Variants in PCDHA10 observed in about 807,000 individuals in gnomAD.
The protein encoded by PCDHA10 is protocadherin alpha-10.
A neutral mutation model predicts 61.2 loss-of-function variants in PCDHA10; 45 were observed. That is an observed-to-expected ratio of 0.74 (90% confidence interval 0.58 to 0.94). The LOEUF (loss-of-function observed/expected upper bound fraction) is 0.94. Among genes scored for constraint, PCDHA10 ranks in the 40% least tolerant of loss-of-function variants. The pLI is 0.00. For synonymous variants in PCDHA10, 602 were observed against 548.8 expected, an observed-to-expected ratio of 1.10 and a Z score of -1.35; for missense variants, 1,278 against 1,236.2, an observed-to-expected ratio of 1.03 and a Z score of -0.51.
intron 1 of PCDHA10, among the ~76,000 whole-genome samples, chr5:140,901,267 T>G (rs2153472974): frequency 6.6e-6 from 1 of 152,344 alleles, no homozygotes; most frequent in East Asian, 1.9e-4. Context: ...TTGTGGGGTA[T>G]TACTCAAGAA....
At chr5:140,975,307 A>G (rs1190412792) in intron 1 of PCDHA10, among the ~76,000 whole-genome samples, 1 of 152,162 alleles carries the variant, frequency 6.6e-6, no homozygotes, top group Non-Finnish European at 1.5e-5. Context: ...AGCTCATGTG[A>G]TTATGTCAGT....
chr5:140,883,230 A>T (rs1554177225), intron 1 of PCDHA10: 1 of 1,614,082 alleles, frequency 6.2e-7, no homozygotes, highest in African/African-American at 1.3e-5. Flanking sequence ...ATATCCGTGG[A>T]GGCAGTTGAC....
chr5:140,945,948 C>T (rs782232521), intron 1 of PCDHA10, among the ~76,000 whole-genome samples: 6 of 151,900 alleles, frequency 3.9e-5, no homozygotes, highest in Non-Finnish European at 5.9e-5. Context: ...TTTTATATGA[C>T]CCTGAAAGCA....
At chr5:140,927,558 T>C (rs1554204736) in intron 1 of PCDHA10, 1 of 1,614,144 alleles carries the variant, frequency 6.2e-7, no homozygotes, top group East Asian at 2.2e-5. Context: ...TCACCATCAT[T>C]GTGGTGGACA....
chr5:140,951,840 C>T (rs555935634), intron 1 of PCDHA10, among the ~76,000 whole-genome samples: 2 of 152,190 alleles, frequency 1.3e-5, no homozygotes, highest in African/African-American at 4.8e-5. Flanking sequence ...AGCATTAAGC[C>T]AAAAGTCCAA....
chr5:140,869,190 C>G (rs536787060), intron 1 of PCDHA10: 1 of 1,613,998 alleles, frequency 6.2e-7, no homozygotes, highest in African/African-American at 1.3e-5. Context: ...TGGGGAGCGG[C>G]CAGCTCCACT....
intron 1 of PCDHA10, chr5:140,869,566 G>A (rs782325882): frequency 1.9e-6 from 3 of 1,614,178 alleles, no homozygotes; most frequent in East Asian, 4.5e-5. Flanking sequence ...TTTTCCACTA[G>A]AGGGAGCTTC....
At chr5:140,937,878 C>G (rs2091818368) in intron 1 of PCDHA10, among the ~76,000 whole-genome samples, 1 of 150,504 alleles carries the variant, frequency 6.6e-6, no homozygotes, top group Admixed American at 6.6e-5. Context: ...CGCCACTGCA[C>G]TCCAGCCTGG....
chr5:140,966,502 GGCA>G (rs2096011406), intron 1 of PCDHA10: 14 of 433,816 alleles, frequency 3.2e-5, no homozygotes, highest in South Asian at 2.3e-4. Context: ...GAGCTGTAGC[GGCA>G]GCAGCAGCAG....
chr5:141,000,705 G>A (rs912231910), intron 3 of PCDHA10, among the ~76,000 whole-genome samples: 6 of 151,458 alleles, frequency 4.0e-5, no homozygotes, highest in African/African-American at 1.2e-4. Context: ...TGGGATTACA[G>A]GCATGAGCCA....
chr5:140,882,094 C>T, intron 1 of PCDHA10: 1 of 1,172,684 alleles, frequency 8.5e-7, no homozygotes, highest in Non-Finnish European at 1.2e-6. Context: ...TCACTGAGAA[C>T]GTTTCCGCGA....
chr5:140,877,719 T>G (rs782112072), intron 1 of PCDHA10: 2 of 1,614,102 alleles, frequency 1.2e-6, no homozygotes, highest in South Asian at 1.1e-5. Context: ...GGAGTTGGTC[T>G]TACTCGCAGC....
intron 1 of PCDHA10, chr5:140,875,768 G>A (rs997656321): frequency 6.2e-7 from 1 of 1,614,262 alleles, no homozygotes; most frequent in Non-Finnish European, 8.5e-7. Context: ...TGCGGGCGGA[G>A]CGCGGAGTGC....
rs201969686 is a variant in PCDHA10, at chr5:140,898,775, T to A, written c.2388+40339T>A. ...GATGGCATTGAATCTGTAAATTACC[T>A]TGGGCAGTATGGCCATTTTCACGAT... On this transcript the variant is annotated intron_variant, in intron 1 of 3. Coordinates refer to ENST00000307360, the MANE Select transcript of PCDHA10 (RefSeq NM_018901.4). 9.9e-4 allele frequency among the ~76,000 whole-genome samples: 151 copies of A among 152,312 alleles called. 1 individual carries two copies. The East Asian group carries it at 0.026, about 26-fold the overall frequency.
intron 1 of PCDHA10, among the ~76,000 whole-genome samples, chr5:140,957,549 C>T (rs563057107): frequency 6.6e-6 from 1 of 152,038 alleles, no homozygotes; most frequent in South Asian, 2.1e-4. Flanking sequence ...AAAGTATTCT[C>T]TGTGGAAAAG....
Position 140,924,728 on chromosome 5 carries a change from C to G in PCDHA10, c.2389-54221C>G, listed in dbSNP as rs191622894. Among the ~76,000 whole-genome samples, 1,223 of 151,892 alleles carry G rather than the reference C, an allele frequency of 8.1e-3. 6 individuals carry two copies. The highest frequency in any genetic ancestry group is 0.019 in the African/African-American group (789 of 41,420). ...TGTGCAACATGGCGAAACCTCACCT[C>G]TAATAAAAATACAAAAATTAACCGA... On this transcript the variant is annotated intron_variant, in intron 1 of 3. Transcript: ENST00000307360.
chr5:140,862,984 G>A (rs1420012474), intron 1 of PCDHA10: 1 of 546,626 alleles, frequency 1.8e-6, no homozygotes, highest in Non-Finnish European at 3.6e-6. Context: ...TGGTGGCGAA[G>A]GTGCGCACGG....
At chr5:140,979,257 C>T (rs1454477008) in intron 2 of PCDHA10, among the ~76,000 whole-genome samples, 1 of 152,194 alleles carries the variant, frequency 6.6e-6, no homozygotes, top group Non-Finnish European at 1.5e-5. Flanking sequence ...TATGTATTTT[C>T]TCCCATCAAA....
At chr5:140,899,175 C>G (rs1219166721) in intron 1 of PCDHA10, among the ~76,000 whole-genome samples, 2 of 152,034 alleles carry the variant, frequency 1.3e-5, no homozygotes, top group African/African-American at 4.8e-5. Flanking sequence ...AATTGAATAC[C>G]CTTTATTTCC....
Sources: gnomAD v4.1 joint callset for allele counts (sites outside exome capture counted in the v4.1 genomes callset) on GRCh38, gnomAD v4.1.1 for gene constraint, MANE v1.5 for transcripts, NCBI Gene and HGNC (gene_info 2026-07-23, HGNC 2026-07-21) for gene names.